TENM2: variants seen among roughly 807,000 people sequenced by gnomAD.
The protein encoded by TENM2 is teneurin-2.
Under a neutral mutation model 245.2 loss-of-function variants are expected in TENM2, and 52 were observed. The observed-to-expected ratio is 0.21, with a 90% CI of 0.17 to 0.27. TENM2 has a LOEUF of 0.27. Ranked by LOEUF, TENM2 falls within the 10% of genes least tolerant of loss-of-function variation. The pLI is 1.00. For synonymous variants in TENM2, 1,363 were observed against 1,438.9 expected, an observed-to-expected ratio of 0.95 and a Z score of 1.19; for missense variants, 3,046 against 3,666.8, an observed-to-expected ratio of 0.83 and a Z score of 4.37.
chr5:168,248,145 C>T (rs754284440), exon 27 of TENM2: 5 of 1,613,984 alleles, frequency 3.1e-6, no homozygotes, highest in East Asian at 2.2e-5. Flanking sequence ...ATGACTCCAA[C>T]CCCGACTTCC....
chr5:167,672,233 A>G (rs1756000046), intron 2 of TENM2, among the ~76,000 whole-genome samples: 1 of 152,094 alleles, frequency 6.6e-6, no homozygotes, highest in African/African-American at 2.4e-5. Flanking sequence ...CTGACAGAGT[A>G]TCATAAATGT....
intron 2 of TENM2, among the ~76,000 whole-genome samples, chr5:167,781,080 G>C (rs1364720473): frequency 6.6e-6 from 1 of 152,162 alleles, no homozygotes; most frequent in Non-Finnish European, 1.5e-5. Flanking sequence ...GGGGGCTGAG[G>C]TGGGAGGATC....
chr5:167,950,785 C>A (rs113135121), intron 3 of TENM2, among the ~76,000 whole-genome samples: 233 of 152,196 alleles, frequency 1.5e-3, no homozygotes, highest in African/African-American at 3.5e-3. Context: ...ACTAGACAGA[C>A]AACAATGCCA....
At chr5:167,401,648 A>G (rs1055769449) in intron 2 of TENM2, among the ~76,000 whole-genome samples, 7 of 152,162 alleles carry the variant, frequency 4.6e-5, no homozygotes, top group African/African-American at 1.7e-4. Flanking sequence ...CAGATTGTTG[A>G]TGATAAATAG....
chr5:167,903,231 C>T (rs1775845928), intron 3 of TENM2, among the ~76,000 whole-genome samples: 1 of 152,218 alleles, frequency 6.6e-6, no homozygotes, highest in East Asian at 1.9e-4. Context: ...TAATTGTACA[C>T]CTACCCCAAG....
chr5:167,163,914 T>A, the TENM2 span, among the ~76,000 whole-genome samples: 1 of 152,206 alleles, frequency 6.6e-6, no homozygotes, highest in Non-Finnish European at 1.5e-5. Context: ...CTCCAAATCC[T>A]CTGTGAACTG....
intron 2 of TENM2, among the ~76,000 whole-genome samples, chr5:167,494,656 G>A (rs1768679299): frequency 6.6e-6 from 1 of 152,056 alleles, no homozygotes. Context: ...ACATGAAAAG[G>A]ACTATAATTT....
intron 7 of TENM2, among the ~76,000 whole-genome samples, chr5:168,077,339 A>G (rs924882689): frequency 6.6e-6 from 1 of 152,088 alleles, no homozygotes; most frequent in Non-Finnish European, 1.5e-5. Context: ...TTCATGCAAT[A>G]AAGATCTTTA....
chr5:168,251,518 C>A (rs1327415719), intron 27 of TENM2, among the ~76,000 whole-genome samples: 8 of 152,116 alleles, frequency 5.3e-5, no homozygotes, highest in Admixed American at 5.2e-4. Context: ...AGAGAAGGAG[C>A]CGGACCAGGC....
the TENM2 span, among the ~76,000 whole-genome samples, chr5:167,275,104 C>A: frequency 6.6e-6 from 1 of 151,708 alleles, no homozygotes; most frequent in African/African-American, 2.4e-5. Flanking sequence ...TGCTCCAATA[C>A]CCTTTGTTGA....
the TENM2 span, among the ~76,000 whole-genome samples, chr5:167,064,846 G>A: frequency 6.6e-6 from 1 of 152,234 alleles, no homozygotes; most frequent in South Asian, 2.1e-4. Context: ...TATTTTAATT[G>A]AAAATAAATT....
At chr5:166,979,336 G>A in the TENM2 span, among the ~76,000 whole-genome samples, 1 of 152,148 alleles carries the variant, frequency 6.6e-6, no homozygotes, top group Middle Eastern at 3.4e-3. Flanking sequence ...GGAGGAGGGG[G>A]AAAGCCTGTC....
At chr5:167,935,685 G>A (rs756155644) in intron 3 of TENM2, among the ~76,000 whole-genome samples, 1 of 152,116 alleles carries the variant, frequency 6.6e-6, no homozygotes, top group Non-Finnish European at 1.5e-5. Context: ...AGGTACTCCA[G>A]GATGATCTGA....
At chr5:167,175,502 G>A in the TENM2 span, among the ~76,000 whole-genome samples, 5 of 152,250 alleles carry the variant, frequency 3.3e-5, no homozygotes, top group African/African-American at 4.8e-5. Context: ...GACTTGAAAT[G>A]TGAATCTTTA....
In TENM2 at chr5:168,215,047, C is replaced by G. The variant is rs1009440239; in HGVS notation, c.3853C>G (p.Pro1285Ala). 15 of 1,613,684 alleles carry G rather than the reference C, an allele frequency of 9.3e-6. No homozygotes were observed. Among genetic ancestry groups the G allele is most frequent in the Non-Finnish European group, 1.3e-5 (15 of 1,179,814 alleles). ...GTGCTTCTTCTACTAAAGCAACAAC[C>G]CAGCACACAAGTACTACTTGGCAGT... Residue 1285 changes from proline to alanine, a missense_variant, in exon 21 of 29, where the codon CCA becomes GCA. Physicochemically the swap from Pro to Ala is conservative, Grantham distance 27. Coordinates refer to ENST00000518659, the Ensembl canonical transcript of TENM2.
At chr5:167,742,015 T>G (rs1180288499) in intron 2 of TENM2, among the ~76,000 whole-genome samples, 3 of 152,146 alleles carry the variant, frequency 2.0e-5, no homozygotes, top group Non-Finnish European at 4.4e-5. Flanking sequence ...CCCTCTTTCT[T>G]CAAAGACAAC....
intron 5 of TENM2, among the ~76,000 whole-genome samples, chr5:168,011,793 C>T (rs1785241147): frequency 6.6e-6 from 1 of 152,142 alleles, no homozygotes; most frequent in South Asian, 2.1e-4. Flanking sequence ...GTAAATCTTC[C>T]TAAAGCATGA....
At chr5:167,749,709 G>A (rs1761834516) in intron 2 of TENM2, among the ~76,000 whole-genome samples, 1 of 152,036 alleles carries the variant, frequency 6.6e-6, no homozygotes, top group South Asian at 2.1e-4. Flanking sequence ...ATTCAAGACT[G>A]ATTCCTGGGA....
intron 2 of TENM2, among the ~76,000 whole-genome samples, chr5:167,543,947 T>C (rs533404726): frequency 3.9e-5 from 6 of 152,322 alleles, no homozygotes; most frequent in African/African-American, 1.4e-4. Context: ...CACTATGACC[T>C]TGTCTTATTG....
Sources: gnomAD v4.1 joint callset for allele counts (sites outside exome capture counted in the v4.1 genomes callset) on GRCh38, gnomAD v4.1.1 for gene constraint, MANE v1.5 for transcripts, NCBI Gene and HGNC (gene_info 2026-07-23, HGNC 2026-07-21) for gene names.